The following ANO4 variants were observed in gnomAD, a reference collection of about 807,000 sequenced individuals.
ANO4 encodes anoctamin-4.
Under a neutral mutation model 141.9 loss-of-function variants are expected in ANO4, and 69 were observed. That is an observed-to-expected ratio of 0.49 (90% CI 0.40 to 0.59). The LOEUF (loss-of-function observed/expected upper bound fraction) is 0.59, where lower values mean the gene tolerates loss of function less well. Ranked by LOEUF, ANO4 falls within the 20% of genes least tolerant of loss-of-function variation. ANO4 has a pLI of 0.00. For synonymous variants in ANO4, 350 were observed against 394.3 expected (o/e 0.89, Z 1.33); for missense variants, 894 against 1,162.2 (o/e 0.77, Z 3.36).
At chr12:100,976,601 C>T (rs1318322071) in intron 7 of ANO4, among the ~76,000 whole-genome samples, 1 of 152,232 alleles carries the variant, frequency 6.6e-6, no homozygotes, top group Non-Finnish European at 1.5e-5. Context: ...TTCAGTAGAT[C>T]TGCAGTGGGG....
intron 15 of ANO4, among the ~76,000 whole-genome samples, chr12:101,082,125 G>A (rs113138629): frequency 6.6e-6 from 1 of 152,122 alleles, no homozygotes; most frequent in Non-Finnish European, 1.5e-5. Context: ...TGTGTTGGGG[G>A]TTGGACCTGG....
chr12:100,983,576 C>T (rs921995031), intron 7 of ANO4, among the ~76,000 whole-genome samples: 1 of 152,184 alleles, frequency 6.6e-6, no homozygotes, highest in Non-Finnish European at 1.5e-5. Context: ...ATCTCCATTT[C>T]TTTATTGGCT....
At chr12:100,948,895 G>A (rs1417526430) in intron 5 of ANO4, among the ~76,000 whole-genome samples, 1 of 152,140 alleles carries the variant, frequency 6.6e-6, no homozygotes, top group East Asian at 1.9e-4. Flanking sequence ...TATCTTATAT[G>A]GTGTATAAGA....
intron 14 of ANO4, among the ~76,000 whole-genome samples, chr12:101,070,438 G>A (rs953966570): frequency 5.3e-5 from 8 of 152,134 alleles, no homozygotes; most frequent in African/African-American, 1.9e-4. Flanking sequence ...TCAATAAATG[G>A]TGCTAGGAAA....
intron 3 of ANO4, among the ~76,000 whole-genome samples, chr12:100,765,462 T>C: frequency 6.7e-6 from 1 of 148,434 alleles, no homozygotes; most frequent in Non-Finnish European, 1.5e-5. Context: ...TCATGCAGCC[T>C]CAGCCTTCCA....
At chr12:101,096,255 G>T (rs547778280) in intron 18 of ANO4, among the ~76,000 whole-genome samples, 1 of 152,174 alleles carries the variant, frequency 6.6e-6, no homozygotes, top group African/African-American at 2.4e-5. Context: ...TATGCTGCTG[G>T]CTCTCCAGGT....
chr12:100,797,505 T>C (rs1376126151), intron 1 of ANO4, among the ~76,000 whole-genome samples: 6 of 152,204 alleles, frequency 3.9e-5, no homozygotes, highest in African/African-American at 1.4e-4. Flanking sequence ...CTTGGTGTGA[T>C]GAAGTCACTG....
At chr12:100,778,207 C>T (rs983245597) in intron 3 of ANO4, among the ~76,000 whole-genome samples, 1 of 152,186 alleles carries the variant, frequency 6.6e-6, no homozygotes, top group African/African-American at 2.4e-5. Flanking sequence ...GTGTAAGCCA[C>T]TGCACCCGGC....
chr12:101,014,293 C>T (rs899528741), intron 8 of ANO4, among the ~76,000 whole-genome samples: 16 of 152,128 alleles, frequency 1.1e-4, no homozygotes, highest in Non-Finnish European at 1.6e-4. Flanking sequence ...AACTAAAACC[C>T]GATTGCGCAG....
chr12:101,055,184 T>C (rs1474905395), intron 14 of ANO4, among the ~76,000 whole-genome samples: 1 of 152,234 alleles, frequency 6.6e-6, no homozygotes, highest in African/African-American at 2.4e-5. Context: ...TAGCCATTCA[T>C]CTTGGATGAA....
chr12:100,938,425 A>G (rs1020069433), intron 3 of ANO4, among the ~76,000 whole-genome samples: 2 of 152,238 alleles, frequency 1.3e-5, no homozygotes, highest in East Asian at 3.8e-4. Flanking sequence ...TGCTTGGGTA[A>G]GAAGAACCCA....
intron 11 of ANO4, among the ~76,000 whole-genome samples, chr12:101,041,208 G>A (rs1005692451): frequency 6.6e-6 from 1 of 152,176 alleles, no homozygotes; most frequent in Non-Finnish European, 1.5e-5. Flanking sequence ...AATGAGCCCA[G>A]AGGGGAGGAC....
intron 1 of ANO4, among the ~76,000 whole-genome samples, chr12:100,865,239 C>T (rs983302321): frequency 4.6e-5 from 7 of 152,140 alleles, no homozygotes; most frequent in Non-Finnish European, 1.0e-4. Context: ...CTAATTTACA[C>T]TCCTGCCAAC....
At chr12:100,725,313 T>C (rs2031059775) in intron 1 of ANO4, among the ~76,000 whole-genome samples, 1 of 151,512 alleles carries the variant, frequency 6.6e-6, no homozygotes, top group South Asian at 2.1e-4. Context: ...CAGCTTCTAG[T>C]CCCTGTGTCT....
At chr12:100,982,068 C>T (rs1460638050) in intron 7 of ANO4, among the ~76,000 whole-genome samples, 1 of 152,142 alleles carries the variant, frequency 6.6e-6, no homozygotes, top group Non-Finnish European at 1.5e-5. Flanking sequence ...ATGAAGGAAA[C>T]CTGAGCTTAC....
At chr12:101,078,510 G>A (rs962933807) in intron 14 of ANO4, among the ~76,000 whole-genome samples, 1 of 152,176 alleles carries the variant, frequency 6.6e-6, no homozygotes, top group African/African-American at 2.4e-5. Flanking sequence ...GCTGAATGAA[G>A]ATAACTCCCA....
intron 8 of ANO4, among the ~76,000 whole-genome samples, chr12:100,996,881 A>T (rs1444826840): frequency 7.1e-6 from 1 of 141,196 alleles, no homozygotes; most frequent in Admixed American, 7.0e-5. Context: ...CAACAATAAA[A>T]ATGATAGCAA....
At chr12:101,076,685 C>T (rs1325535226) in intron 14 of ANO4, among the ~76,000 whole-genome samples, 2 of 152,062 alleles carry the variant, frequency 1.3e-5, no homozygotes, top group Non-Finnish European at 2.9e-5. Flanking sequence ...TGAGGCTGTC[C>T]CAGAATGGTC....
chr12:101,066,515 A>G (rs923930708), intron 14 of ANO4, among the ~76,000 whole-genome samples: 3 of 152,224 alleles, frequency 2.0e-5, no homozygotes, highest in African/African-American at 7.2e-5. Flanking sequence ...TACAATAGCT[A>G]CAAATACAAT....
Sources: allele counts gnomAD v4.1 joint callset (sites outside exome capture counted in the v4.1 genomes callset), GRCh38; gene constraint gnomAD v4.1.1; transcripts MANE v1.5; gene names NCBI Gene and HGNC (gene_info 2026-07-23, HGNC 2026-07-21).